ZDHHC6: variants seen among roughly 807,000 people sequenced by gnomAD.
ZDHHC6 encodes palmitoyltransferase ZDHHC6.
In ZDHHC6, 32 loss-of-function variants were observed where a neutral mutation model predicts 57.8. The observed-to-expected ratio is 0.55, with a 90% confidence interval of 0.42 to 0.74. ZDHHC6 has a LOEUF of 0.74. Among genes scored for constraint, ZDHHC6 ranks in the 30% least tolerant of loss-of-function variants. The pLI, the probability that ZDHHC6 is intolerant of heterozygous loss-of-function variation, is 0.00. For missense variants in ZDHHC6, 433 were observed against 500.7 expected (o/e 0.86, Z 1.29); for synonymous variants, 128 against 158.0 (o/e 0.81, Z 1.42).
At chr10:112,444,011 G>C (rs1427557500) in intron 2 of ZDHHC6, among the ~76,000 whole-genome samples, 1 of 152,024 alleles carries the variant, frequency 6.6e-6, no homozygotes, top group Non-Finnish European at 1.5e-5. Context: ...CCCCTTTCTT[G>C]GGCCATTTTA....
chr10:112,427,382 G>T, downstream of ZDHHC6: 1 of 1,590,958 alleles, frequency 6.3e-7, no homozygotes, highest in Non-Finnish European at 8.6e-7. Context: ...AGTACCTGCC[G>T]GCCCACTGTG....
At chr10:112,434,867 C>T (rs1054514479) in intron 6 of ZDHHC6, among the ~76,000 whole-genome samples, 4 of 152,190 alleles carry the variant, frequency 2.6e-5, no homozygotes, top group East Asian at 3.9e-4. Flanking sequence ...AGGATGGAAC[C>T]GTTTTATTCA....
downstream of ZDHHC6, chr10:112,428,276 C>T: frequency 2.6e-6 from 1 of 390,006 alleles, no homozygotes; most frequent in Non-Finnish European, 4.5e-6. Context: ...AACTGATCTC[C>T]CCCACCCTTG....
chr10:112,440,230 T>C (rs540213706), intron 5 of ZDHHC6, among the ~76,000 whole-genome samples: 23 of 152,270 alleles, frequency 1.5e-4, no homozygotes, highest in African/African-American at 5.5e-4. Flanking sequence ...AAGACTCCTC[T>C]ATTGGGGTGG....
At chr10:112,439,628 TA>T (rs869272293) in intron 5 of ZDHHC6, among the ~76,000 whole-genome samples, 350 of 31,262 alleles carry the variant, frequency 0.011, 11 homozygotes, top group South Asian at 0.015. Context: ...AGACTCCGTC[TA>T]AAAAAAAAAA....
downstream of ZDHHC6, chr10:112,425,585 CTTA>C (rs1168605594): frequency 1.3e-6 from 1 of 750,280 alleles, no homozygotes; most frequent in Admixed American, 4.6e-5. Context: ...AAGATCCAAG[CTTA>C]TAAAACTAAA....
In ZDHHC6 at chr10:112,443,615, C is replaced by A; in HGVS notation, c.268-9G>T. 6.2e-7 allele frequency: 1 copy of A among 1,607,324 alleles called. No individual in the cohort carries two copies. Among genetic ancestry groups the A allele is most frequent in the African/African-American group, 1.3e-5 (1 of 74,802 alleles). On this transcript the variant is annotated splice_polypyrimidine_tract_variant and intron_variant, in intron 2 of 10. Transcript: ENST00000369405. ...GTATCCTGAGAAATTTCCTTGGCAGCAAAACAGAAACAAAAATGCATCATC... is the reference window on the plus strand; with the variant it reads ...GTATCCTGAGAAATTTCCTTGGCAGAAAAACAGAAACAAAAATGCATCATC...
intron 6 of ZDHHC6, among the ~76,000 whole-genome samples, chr10:112,437,903 A>G (rs1429317022): frequency 2.0e-5 from 3 of 152,240 alleles, no homozygotes; most frequent in Non-Finnish European, 2.9e-5. Flanking sequence ...CACAATGGAC[A>G]GTATGAAGTA....
At chr10:112,444,475 C>T (rs1305057101) in intron 2 of ZDHHC6, among the ~76,000 whole-genome samples, 2 of 152,208 alleles carry the variant, frequency 1.3e-5, no homozygotes, top group East Asian at 1.9e-4. Context: ...TTACATCTTA[C>T]CCTCCTCTGT....
intron 7 of ZDHHC6, chr10:112,433,568 C>A: frequency 3.7e-6 from 1 of 267,912 alleles, no homozygotes; most frequent in East Asian, 6.3e-5. Flanking sequence ...GGAGTATATT[C>A]TCCGCCCTCA....
downstream of ZDHHC6, chr10:112,426,435 C>A: frequency 1.6e-6 from 2 of 1,258,224 alleles, no homozygotes; most frequent in African/African-American, 1.5e-5. Flanking sequence ...CCAGTTCCTG[C>A]ATCTGTCACA....
chr10:112,425,533 CT>C (rs572920534), downstream of ZDHHC6: 5 of 1,365,526 alleles, frequency 3.7e-6, no homozygotes, highest in Non-Finnish European at 4.9e-6. Context: ...CATGCTGGTT[CT>C]TGTAGCTACA....
chr10:112,447,252 G>C (rs1428390415), upstream of ZDHHC6: 3 of 1,041,918 alleles, frequency 2.9e-6, no homozygotes, highest in Non-Finnish European at 4.2e-6. Flanking sequence ...AGCTGTCCCC[G>C]GTTCTCCGTT....
chr10:112,447,156 G>A, upstream of ZDHHC6: 1 of 530,314 alleles, frequency 1.9e-6, no homozygotes, highest in Non-Finnish European at 3.4e-6. Flanking sequence ...TTATCTTAAA[G>A]TCGGAGCGGA....
At position 112,433,338 on chromosome 10, in the gene ZDHHC6, T is replaced by A. The variant is rs551930617; in HGVS notation, c.904-57A>T. The stretch of plus-strand genomic sequence containing the variant: ...AGTCTCTTGTCTCAATGTTGAAAAA[T>A]CGCCTTTCCTCATCAACTGTCAGAG... On this transcript the variant is annotated intron_variant, in intron 7 of 10. Transcript: ENST00000369405. 756 of 1,395,706 alleles carry A rather than the reference T, an allele frequency of 5.4e-4. 14 individuals are homozygous for A. The South Asian group carries it at 0.011, about 19-fold the overall frequency. 86.5% of individuals were successfully genotyped at this position (1,395,706 alleles called of 1,614,324 possible).
chr10:112,428,700 G>A (rs1429021350), downstream of ZDHHC6, among the ~76,000 whole-genome samples: 1 of 151,898 alleles, frequency 6.6e-6, no homozygotes, highest in Non-Finnish European at 1.5e-5. Context: ...GAACCCGAGA[G>A]GCGGAGCTTG....
chr10:112,433,219 C>G (rs1845199421), intron 8 of ZDHHC6, 21 bp downstream of exon 8: 1 of 1,557,110 alleles, frequency 6.4e-7, no homozygotes. Context: ...AAAAAATTAC[C>G]ACTGCAAAAG....
chr10:112,433,325 C>A, intron 7 of ZDHHC6, 44 bp from the exon 8 acceptor site: 1 of 1,495,432 alleles, frequency 6.7e-7, no homozygotes, highest in Non-Finnish European at 8.9e-7. Context: ...TCTCTTGTCT[C>A]AATGTTGAAA....
chr10:112,444,723 T>C (rs1846469412), intron 2 of ZDHHC6, among the ~76,000 whole-genome samples: 1 of 152,374 alleles, frequency 6.6e-6, no homozygotes, highest in East Asian at 1.9e-4. Flanking sequence ...ATTTGGACTA[T>C]ACTTCCCAAT....
Sources: allele counts gnomAD v4.1 joint callset (sites outside exome capture counted in the v4.1 genomes callset), GRCh38; gene constraint gnomAD v4.1.1; transcripts MANE v1.5; gene names NCBI Gene and HGNC (gene_info 2026-07-23, HGNC 2026-07-21).